Variants in COL4A2 observed in about 807,000 individuals in gnomAD.
COL4A2 encodes the protein collagen type IV alpha 2 chain.
COL4A2 carries 99 observed loss-of-function variants against 200.2 expected under a neutral mutation model. The observed-to-expected ratio is 0.49, with a 90% confidence interval of 0.42 to 0.58. The LOEUF is 0.58. Among genes scored for constraint, COL4A2 ranks in the 20% least tolerant of loss-of-function variants. The probability of loss-of-function intolerance (pLI) is 0.00; values close to 1 mark genes in which losing one functional copy is unlikely to be tolerated. For missense variants in COL4A2, 1,950 were observed against 2,314.1 expected, an observed-to-expected ratio of 0.84 and a Z score of 3.23; for synonymous variants, 897 against 900.6, an observed-to-expected ratio of 1.00 and a Z score of 0.07.
At chr13:110,495,190 C>T (rs994692927) in intron 39 of COL4A2, 152 bp from the exon 40 acceptor site, 50 of 847,306 alleles carry the variant, frequency 5.9e-5, no homozygotes, top group Non-Finnish European at 9.2e-5. Context: ...GCTCCTGTGA[C>T]CTGGAGGCCA....
At chr13:110,405,844 T>A (rs1879547155) in intron 4 of COL4A2, among the ~76,000 whole-genome samples, 1 of 152,186 alleles carries the variant, frequency 6.6e-6, no homozygotes, top group Non-Finnish European at 1.5e-5. Flanking sequence ...TAAGAGAGCA[T>A]CCCAGGAACC....
intron 3 of COL4A2, among the ~76,000 whole-genome samples, chr13:110,311,010 C>T (rs924366008): frequency 2.6e-5 from 4 of 152,164 alleles, no homozygotes; most frequent in Non-Finnish European, 5.9e-5. Context: ...TGAAAGGTGG[C>T]CGGGAGGGCA....
rs374285025 is a variant in COL4A2, at chr13:110,501,805, T to G, written c.3877+21T>G. On this transcript the variant is annotated intron_variant, in intron 41 of 47. Coordinates refer to ENST00000360467, the MANE Select transcript of COL4A2 (RefSeq NM_001846.4). ...GAAAGGTAAGCAGGACTTATACATCTGTGCTTCGACATCTCTAGGGGCAGG... is the reference window on the plus strand; with the variant it reads ...GAAAGGTAAGCAGGACTTATACATCGGTGCTTCGACATCTCTAGGGGCAGG... 2.6e-5 allele frequency: 41 copies of G among 1,607,546 alleles called. No homozygotes were observed. In the African/African-American group the frequency reaches 5.4e-4, roughly 21 times the overall value.
chr13:110,350,339 G>A (rs570324507), intron 3 of COL4A2, among the ~76,000 whole-genome samples: 1 of 152,080 alleles, frequency 6.6e-6, no homozygotes, highest in Admixed American at 6.5e-5. Flanking sequence ...ACCAGTTTCA[G>A]AACAGGAAAA....
chr13:110,376,241 T>C (rs1197161491), intron 4 of COL4A2, among the ~76,000 whole-genome samples: 1 of 152,126 alleles, frequency 6.6e-6, no homozygotes, highest in East Asian at 1.9e-4. Flanking sequence ...AGGTAAGGTA[T>C]AAGTAAGGAA....
chr13:110,312,682 TG>T (rs1466902030), intron 3 of COL4A2, among the ~76,000 whole-genome samples: 5 of 152,258 alleles, frequency 3.3e-5, no homozygotes. Flanking sequence ...TTGTGTCTGC[TG>T]GTGTCTACTG....
intron 6 of COL4A2, 72 bp from the exon 7 acceptor site, chr13:110,428,393 CTG>C: frequency 1.2e-6 from 1 of 851,998 alleles, no homozygotes; most frequent in Non-Finnish European, 1.9e-6. Flanking sequence ...GAATATAAGA[CTG>C]TTTTATCTCA....
intron 41 of COL4A2, chr13:110,502,742 A>G (rs913374947): frequency 5.7e-6 from 1 of 174,810 alleles, no homozygotes; most frequent in African/African-American, 2.4e-5. Context: ...GTGATTCCAC[A>G]CATACGAGGC....
At chr13:110,373,687 G>A (rs763040332) in intron 4 of COL4A2, among the ~76,000 whole-genome samples, 5 of 152,198 alleles carry the variant, frequency 3.3e-5, no homozygotes, top group African/African-American at 7.2e-5. Context: ...AAGCCGCAGG[G>A]TGTGAGGACG....
chr13:110,384,387 T>C (rs927310253), intron 4 of COL4A2, among the ~76,000 whole-genome samples: 2 of 152,168 alleles, frequency 1.3e-5, no homozygotes, highest in Non-Finnish European at 2.9e-5. Flanking sequence ...AATTCTATGA[T>C]TCGGTGTGAA....
rs539657687 is a variant in COL4A2, at chr13:110,460,980, G to T, written c.1597-1134G>T. Among the ~76,000 whole-genome samples, 11 of 152,322 alleles carry T rather than the reference G, an allele frequency of 7.2e-5. No homozygotes were observed. The East Asian group carries it at 2.1e-3, about 29-fold the overall frequency. On this transcript the variant is annotated intron_variant, in intron 22 of 47. Transcript: ENST00000360467. ...ACTTTCAACATTGCATTTAATTAAA[G>T]CAACTCCACACATTCCCATATTCTT...
intron 3 of COL4A2, among the ~76,000 whole-genome samples, chr13:110,313,508 C>T (rs1485396561): frequency 6.7e-6 from 1 of 148,184 alleles, no homozygotes; most frequent in African/African-American, 2.5e-5. Context: ...CCCCGGTGCC[C>T]CGCGTCCACC....
chr13:110,431,826 A>G (rs1241828884), intron 10 of COL4A2, among the ~76,000 whole-genome samples: 1 of 152,222 alleles, frequency 6.6e-6, no homozygotes, highest in Admixed American at 6.5e-5. Flanking sequence ...AATCCTAAGC[A>G]CAGTGTTGAC....
chr13:110,477,916 T>G, intron 29 of COL4A2, 87 bp from the exon 30 acceptor site: 1 of 1,269,204 alleles, frequency 7.9e-7, no homozygotes, highest in Non-Finnish European at 1.0e-6. Flanking sequence ...ATTGCTCTTT[T>G]TACAGAATGA....
intron 4 of COL4A2, among the ~76,000 whole-genome samples, chr13:110,367,832 C>T (rs373176244): frequency 1.3e-5 from 2 of 152,106 alleles, no homozygotes; most frequent in South Asian, 2.1e-4. Context: ...ATCTTATACC[C>T]TCAGGCAGCT....
chr13:110,311,961 C>G (rs1396521776), intron 3 of COL4A2, among the ~76,000 whole-genome samples: 1 of 152,222 alleles, frequency 6.6e-6, no homozygotes. Flanking sequence ...CCCTCCAGGC[C>G]GGCAGCTGCG....
intron 34 of COL4A2, among the ~76,000 whole-genome samples, chr13:110,486,039 CT>C (rs1883110101): frequency 6.6e-6 from 1 of 151,932 alleles, no homozygotes; most frequent in Non-Finnish European, 1.5e-5. Flanking sequence ...GTCCAACCGG[CT>C]GCCGTGGCCC....
chr13:110,496,223 A>G (rs972553947), intron 40 of COL4A2, among the ~76,000 whole-genome samples: 8 of 152,312 alleles, frequency 5.3e-5, no homozygotes, highest in Non-Finnish European at 1.2e-4. Context: ...CCAATTCCCC[A>G]TGAAGCTAGA....
intron 34 of COL4A2, among the ~76,000 whole-genome samples, chr13:110,487,306 A>T (rs1346596158): frequency 6.6e-6 from 1 of 152,254 alleles, no homozygotes; most frequent in Non-Finnish European, 1.5e-5. Flanking sequence ...ATAAAAAATT[A>T]ACCGGGTTTG....
Sources: allele counts gnomAD v4.1 joint callset (sites outside exome capture counted in the v4.1 genomes callset), GRCh38; gene constraint gnomAD v4.1.1; transcripts MANE v1.5; gene names NCBI Gene and HGNC (gene_info 2026-07-23, HGNC 2026-07-21).